Variants in HNRNPA0 observed in about 807,000 individuals in gnomAD.
HNRNPA0 encodes the protein hnRNA binding protein.
For synonymous variants in HNRNPA0, 243 were observed against 195.5 expected (o/e 1.24, Z -2.03); for missense variants, 252 against 433.7 (o/e 0.58, Z 3.72).
Position 137,754,284 on chromosome 5 carries a change from G to C in HNRNPA0, c.-218C>G. The C allele has an allele frequency of 1.5e-6, 1 of 646,256 alleles. No individual in the cohort carries two copies. Among genetic ancestry groups the C allele is most frequent in the Non-Finnish European group, 2.6e-6 (1 of 382,060 alleles). The allele number at this position is 646,256 out of a possible 1,614,324, so 40.0% of individuals were successfully genotyped here. A position where few individuals can be genotyped will look rare whatever the true frequency, so the allele number is the denominator to read the frequency against. On this transcript the variant is annotated 5_prime_UTR_variant, in exon 1 of 1. Coordinates refer to ENST00000314940, the MANE Select transcript of HNRNPA0 (RefSeq NM_006805.4). ...CGGTGCCGGCTAAAGGGCGAGCCGA[G>C]GAGACTGGAAGACAACCAAGGCCAC...
rs987198389 is a variant in HNRNPA0 at position 137,749,705 on chromosome 5, A to G, written c.*3444T>C. The G allele has an allele frequency of 5.3e-5, 8 of 152,214 alleles. No homozygotes were observed. Among genetic ancestry groups the G allele is most frequent in the African/African-American group, 1.9e-4 (8 of 41,470 alleles). The allele number at this position is 152,214 out of a possible 1,614,324, so 9.4% of individuals were successfully genotyped here. A position where few individuals can be genotyped will look rare whatever the true frequency, so the allele number is the denominator to read the frequency against. ...CTGTCTTTTTGGGTAAAATCCGTGT[A>G]GTCTAGATGCAGTTCTGCTCCAAAT... On this transcript the variant is annotated 3_prime_UTR_variant, in exon 1 of 1. Coordinates refer to ENST00000314940, the MANE Select transcript of HNRNPA0 (RefSeq NM_006805.4).
rs1199744743 is a variant in HNRNPA0, at chr5:137,749,104, A to C, written c.*4045T>G. 2.6e-5 allele frequency: 4 copies of C among 152,342 alleles called. No homozygotes were observed. Among genetic ancestry groups the C allele is most frequent in the Middle Eastern group, 3.4e-3 (1 of 294 alleles). 9.4% of individuals were successfully genotyped at this position (152,342 alleles called of 1,614,324 possible). A position where few individuals can be genotyped will look rare whatever the true frequency, so the allele number is the denominator to read the frequency against. ...GAACTGTCTTACACAAAGGTGCCTAACACCCAATGAAATTGACGGTAAACA... is the reference window on the plus strand; with the variant it reads ...GAACTGTCTTACACAAAGGTGCCTACCACCCAATGAAATTGACGGTAAACA... On this transcript the variant is annotated 3_prime_UTR_variant, in exon 1 of 1. Transcript: ENST00000314940.
In HNRNPA0 at chr5:137,749,921, T is replaced by C. The variant is rs1028684665; in HGVS notation, c.*3228A>G. 2.0e-5 allele frequency: 3 copies of C among 152,196 alleles called. No homozygotes were observed. Among genetic ancestry groups the C allele is most frequent in the Non-Finnish European group, 2.9e-5 (2 of 68,012 alleles). 9.4% of individuals were successfully genotyped at this position (152,196 alleles called of 1,614,324 possible). On this transcript the variant is annotated 3_prime_UTR_variant, in exon 1 of 1. Coordinates refer to ENST00000314940, the MANE Select transcript of HNRNPA0 (RefSeq NM_006805.4). Reference sequence around the variant, plus strand: ...TCTCAAGTATCCTCAATCTTTTAGGTTTACTTAAAAATTATGAAAATTAGA... The same window carrying C: ...TCTCAAGTATCCTCAATCTTTTAGGCTTACTTAAAAATTATGAAAATTAGA...
rs1445003759 is a variant in HNRNPA0, at chr5:137,753,909, A to T, written c.158T>A (p.Val53Glu). Residue 53 changes from valine (V) to glutamate (E), a missense_variant, in exon 1 of 1, where the codon GTG becomes GAG. Transcript: ENST00000314940. This position sits in a 1 kb window ranked among gnomAD's most constrained non-coding sequence, Gnocchi z 6.1. ...CGCCTCCTCCACATTGGAGTAGGTC[A>T]CGAAGCCAAAGCAACGGGAGCGCTT... The part of the protein sequence containing the change: ...QTKRSRCFGF[V>E]TYSNVEEADA... 6.2e-7 allele frequency: 1 copy of T among 1,614,030 alleles called. No homozygotes were observed. Among genetic ancestry groups the T allele is most frequent in the Non-Finnish European group, 8.5e-7 (1 of 1,180,030 alleles).
In HNRNPA0 at chr5:137,749,506, T is replaced by TA. The variant is rs1753461892; in HGVS notation, c.*3642dup. 6.6e-6 allele frequency: 1 copy of TA among 152,142 alleles called. No individual in the cohort carries two copies. The highest frequency in any genetic ancestry group is 6.5e-5 in the Admixed American group (1 of 15,280). The allele number at this position is 152,142 out of a possible 1,614,324, so 9.4% of individuals were successfully genotyped here. The stretch of plus-strand genomic sequence containing the variant: ...CATTTAAATTCTCATTCAAGGCAAA[T>TA]ATGAAGTTCACTCAAAAGCAGGACA... On this transcript the variant is annotated 3_prime_UTR_variant, in exon 1 of 1. Coordinates refer to ENST00000314940, the MANE Select transcript of HNRNPA0 (RefSeq NM_006805.4).
At position 137,754,198 on chromosome 5, in the gene HNRNPA0, G is replaced by T. The variant is rs187197502; in HGVS notation, c.-132C>A. On this transcript the variant is annotated 5_prime_UTR_variant, in exon 1 of 1. Transcript: ENST00000314940. ...GAGCCACCCCCGCCGCTCACCGACG[G>T]GGAAGGGAAAAAGGGAAGGGGAGGG... 12,750 of 1,258,506 alleles carry T rather than the reference G, an allele frequency of 0.01. 104 individuals are homozygous for T. Among genetic ancestry groups the T allele is most frequent in the Admixed American group, 0.034 (1,169 of 34,706 alleles). 78.0% of individuals were successfully genotyped at this position (1,258,506 alleles called of 1,614,324 possible).
rs1413980059 is a variant in HNRNPA0 at position 137,753,227 on chromosome 5, G to A, written c.840C>T (p.Ser280=). ...SGGGGGGGGS[S]WGGRSNSGPY... Reference sequence around the variant, plus strand: ...GTCCACTATTACTGCGACCGCCCCAGCTACTGCCTCCACCGCCGCCGCCGC... The same window carrying A: ...GTCCACTATTACTGCGACCGCCCCAACTACTGCCTCCACCGCCGCCGCCGC... The change falls in exon 1 of 1, where the codon AGC becomes AGT. Residue 280 remains serine, a synonymous_variant. Coordinates refer to ENST00000314940, the MANE Select transcript of HNRNPA0 (RefSeq NM_006805.4). The surrounding 1 kb of genome is among the most constrained non-coding windows in gnomAD (Gnocchi z 6.1). 2.0e-5 allele frequency: 32 copies of A among 1,612,994 alleles called. No individual in the cohort carries two copies. Among genetic ancestry groups the A allele is most frequent in the Non-Finnish European group, 2.7e-5 (32 of 1,179,870 alleles).
In HNRNPA0 at chr5:137,753,250, C is replaced by T. The variant is rs760456253; in HGVS notation, c.817G>A (p.Gly273Ser). Residue 273 changes from glycine (G) to serine (S), a missense_variant, in exon 1 of 1, where the codon GGC (glycine) becomes AGC (serine). Physicochemically the swap from Gly to Ser is moderately conservative, Grantham distance 56 (BLOSUM62 0). Coordinates refer to ENST00000314940, the MANE Select transcript of HNRNPA0 (RefSeq NM_006805.4). This position sits in a 1 kb window ranked among gnomAD's most constrained non-coding sequence, Gnocchi z 6.1. Reference sequence around the variant, plus strand: ...CAGCTACTGCCTCCACCGCCGCCGCCGCCGCCGCTCTTCATGGGCCCATAG... The same window carrying T: ...CAGCTACTGCCTCCACCGCCGCCGCTGCCGCCGCTCTTCATGGGCCCATAG... ...SSYGPMKSGG[G>S]GGGGGSSWGG... is the part of the protein sequence containing the mutation. 42 of 1,608,612 alleles carry T rather than the reference C, an allele frequency of 2.6e-5. No individual in the cohort carries two copies. The highest frequency in any genetic ancestry group is 1.7e-5 in the Admixed American group (1 of 59,718).
rs1041781986 is a variant in HNRNPA0, at chr5:137,746,907, T to G, written c.*6242A>C. The G allele has an allele frequency of 2.0e-5, 3 of 152,190 alleles. No individual in the cohort carries two copies. The highest frequency in any genetic ancestry group is 7.2e-5 in the African/African-American group (3 of 41,444). The allele number at this position is 152,190 out of a possible 1,614,324, so 9.4% of individuals were successfully genotyped here. Reference sequence around the variant, plus strand: ...AGTGCAAATAGCTAGATCTTCACGTTTGGTGGTGTGGGAAGATCAAGTCAT... The same window carrying G: ...AGTGCAAATAGCTAGATCTTCACGTGTGGTGGTGTGGGAAGATCAAGTCAT... On this transcript the variant is annotated 3_prime_UTR_variant, in exon 1 of 1. Transcript: ENST00000314940.
At position 137,749,394 on chromosome 5, in the gene HNRNPA0, A is replaced by T. The variant is rs571952266; in HGVS notation, c.*3755T>A. 1.3e-5 allele frequency: 2 copies of T among 152,316 alleles called. No homozygotes were observed. The highest frequency in any genetic ancestry group is 2.4e-5 in the African/African-American group (1 of 41,578). The allele number at this position is 152,316 out of a possible 1,614,324, so 9.4% of individuals were successfully genotyped here. A position where few individuals can be genotyped will look rare whatever the true frequency, so the allele number is the denominator to read the frequency against. ...AAAAAAAATAGGTGGAAAATAGAGA[A>T]TTGCCCTTCTAGTCTTCCTACTTTG... On this transcript the variant is annotated 3_prime_UTR_variant, in exon 1 of 1. Coordinates refer to ENST00000314940, the MANE Select transcript of HNRNPA0 (RefSeq NM_006805.4).
rs997117490 is a variant in HNRNPA0 at position 137,750,120 on chromosome 5, C to T, written c.*3029G>A. On this transcript the variant is annotated 3_prime_UTR_variant, in exon 1 of 1. Coordinates refer to ENST00000314940, the MANE Select transcript of HNRNPA0 (RefSeq NM_006805.4). ...TTTTTAAATGACCTGAAAAACACTA[C>T]AGATATTCCAATCAAAAAATCTAAA... 6.6e-6 allele frequency: 1 copy of T among 152,036 alleles called. No homozygotes were observed. Among genetic ancestry groups the T allele is most frequent in the East Asian group, 1.9e-4 (1 of 5,190 alleles). The allele number at this position is 152,036 out of a possible 1,614,324, so 9.4% of individuals were successfully genotyped here.
chr5:137,754,304 G>T lies in HNRNPA0; in HGVS notation c.-238C>A, dbSNP rs1253494409. The T allele has an allele frequency of 5.8e-6, 3 of 518,624 alleles. No homozygotes were observed. Among genetic ancestry groups the T allele is most frequent in the Admixed American group, 7.5e-5 (2 of 26,804 alleles). The allele number at this position is 518,624 out of a possible 1,614,324, so 32.1% of individuals were successfully genotyped here. On this transcript the variant is annotated 5_prime_UTR_variant, in exon 1 of 1. Transcript: ENST00000314940. ...GCCGAGGAGACTGGAAGACAACCAA[G>T]GCCACCGCTACCGCCGCCGCCGCCA... is the stretch of plus-strand genomic sequence containing the variant.
chr5:137,753,992 G>C lies in HNRNPA0; in HGVS notation c.75C>G (p.Gly25=). The change falls in exon 1 of 1, where the codon GGC becomes GGG. Residue 25 remains glycine, a synonymous_variant. Coordinates refer to ENST00000314940, the MANE Select transcript of HNRNPA0 (RefSeq NM_006805.4). This position sits in a 1 kb window ranked among gnomAD's most constrained non-coding sequence, Gnocchi z 6.1. The part of the protein sequence containing the change: ...NVQTSESGLR[G]HFEAFGTLTD... ...TCAGAGTCCCAAAGGCCTCAAAGTG[G>C]CCGCGCAGGCCCGACTCACTCGTCT... 6.2e-7 allele frequency: 1 copy of C among 1,613,982 alleles called. No individual in the cohort carries two copies. Among genetic ancestry groups the C allele is most frequent in the Non-Finnish European group, 8.5e-7 (1 of 1,179,946 alleles).
Position 137,754,216 on chromosome 5 carries a change from G to GGGGA in HNRNPA0, c.-154_-151dup. The stretch of plus-strand genomic sequence containing the variant: ...ACCGACGGGGAAGGGAAAAAGGGAA[G>GGGGA]GGGAGGGAAGGAAGGAAGAGAGGAA... On this transcript the variant is annotated 5_prime_UTR_variant, in exon 1 of 1. Coordinates refer to ENST00000314940, the MANE Select transcript of HNRNPA0 (RefSeq NM_006805.4). 9.5e-7 allele frequency: 1 copy of GGGGA among 1,056,380 alleles called. No homozygotes were observed. Among genetic ancestry groups the GGGGA allele is most frequent in the Non-Finnish European group, 1.3e-6 (1 of 741,742 alleles). 65.4% of individuals were successfully genotyped at this position (1,056,380 alleles called of 1,614,324 possible).
In HNRNPA0 at chr5:137,747,098, T is replaced by C. The variant is rs991378251; in HGVS notation, c.*6051A>G. ...TTCTTGGGACTAGAGAATCTAGCAA[T>C]AGGAGACAGTTACGAGAAGCCAGAA... On this transcript the variant is annotated 3_prime_UTR_variant, in exon 1 of 1. Coordinates refer to ENST00000314940, the MANE Select transcript of HNRNPA0 (RefSeq NM_006805.4). The C allele has an allele frequency of 3.3e-5, 5 of 152,098 alleles. No individual in the cohort carries two copies. Among genetic ancestry groups the C allele is most frequent in the African/African-American group, 9.7e-5 (4 of 41,396 alleles). 9.4% of individuals were successfully genotyped at this position (152,098 alleles called of 1,614,324 possible). A position where few individuals can be genotyped will look rare whatever the true frequency, so the allele number is the denominator to read the frequency against.
rs1036457259 is a variant in HNRNPA0, at chr5:137,750,588, A to G, written c.*2561T>C. The G allele has an allele frequency of 2.6e-5, 4 of 152,176 alleles. No homozygotes were observed. Among genetic ancestry groups the G allele is most frequent in the African/African-American group, 9.7e-5 (4 of 41,442 alleles). 9.4% of individuals were successfully genotyped at this position (152,176 alleles called of 1,614,324 possible). ...TGTTCAGATAATTTTCATAGGTGGA[A>G]GTGGTCAAAACATACAACCAATTGT... On this transcript the variant is annotated 3_prime_UTR_variant, in exon 1 of 1. Transcript: ENST00000314940.
At position 137,753,236 on chromosome 5, in the gene HNRNPA0, T is replaced by TCCACCGCCG; in HGVS notation, c.822_830dup (p.Gly276_Gly278dup). 1.2e-6 allele frequency: 2 copies of TCCACCGCCG among 1,611,024 alleles called. No homozygotes were observed. The highest frequency in any genetic ancestry group is 1.7e-6 in the Non-Finnish European group (2 of 1,179,188). ...TACTGCGACCGCCCCAGCTACTGCC[T>TCCACCGCCG]CCACCGCCGCCGCCGCCGCCGCTCT... On this transcript the variant is annotated inframe_insertion, in exon 1 of 1. Coordinates refer to ENST00000314940, the MANE Select transcript of HNRNPA0 (RefSeq NM_006805.4). This position sits in a 1 kb window ranked among gnomAD's most constrained non-coding sequence, Gnocchi z 6.1.
Position 137,753,567 on chromosome 5 carries a change from C to A in HNRNPA0, c.500G>T (p.Arg167Leu). The change falls in exon 1 of 1, where the codon CGC (arginine) becomes CTC (leucine). Residue 167 changes from arginine (R) to leucine (L), a missense_variant. Coordinates refer to ENST00000314940, the MANE Select transcript of HNRNPA0 (RefSeq NM_006805.4). This position sits in a 1 kb window ranked among gnomAD's most constrained non-coding sequence, Gnocchi z 6.1. Reference protein sequence around the residue: ...VVKFHPIQGHRVEVKKAVPKE... With the variant: ...VVKFHPIQGHLVEVKKAVPKE... ...GGGGACTGCTTTCTTCACCTCCACG[C>A]GATGGCCCTGAATCGGATGGAACTT... is the stretch of plus-strand genomic sequence containing the variant. 1 of 1,613,670 alleles carries A rather than the reference C, an allele frequency of 6.2e-7. No individual in the cohort carries two copies. Among genetic ancestry groups the A allele is most frequent in the Non-Finnish European group, 8.5e-7 (1 of 1,179,690 alleles).
chr5:137,753,970 G>C lies in HNRNPA0; in HGVS notation c.97C>G (p.Leu33Val). ...LRGHFEAFGTLTDCVVVVNPQ... is the reference protein window; with the variant it reads ...LRGHFEAFGTVTDCVVVVNPQ... ...TTCACCACCACCACGCAGTCCGTCA[G>C]AGTCCCAAAGGCCTCAAAGTGGCCG... The change falls in exon 1 of 1, where the codon CTG (leucine) becomes GTG (valine). Residue 33 changes from leucine (L) to valine (V), a missense_variant. By Grantham distance (32) the Leu-to-Val change is conservative. Coordinates refer to ENST00000314940, the MANE Select transcript of HNRNPA0 (RefSeq NM_006805.4). This position sits in a 1 kb window ranked among gnomAD's most constrained non-coding sequence, Gnocchi z 6.1. The C allele has an allele frequency of 6.2e-7, 1 of 1,614,190 alleles. No homozygotes were observed. The highest frequency in any genetic ancestry group is 8.5e-7 in the Non-Finnish European group (1 of 1,180,030).
Sources: allele counts gnomAD v4.1 joint callset, GRCh38; gene constraint gnomAD v4.1.1; non-coding constraint Gnocchi (gnomAD v3.1); transcripts MANE v1.5; gene names NCBI Gene and HGNC (gene_info 2026-07-23, HGNC 2026-07-21).